The following C8orf34 variants were observed in gnomAD, a reference collection of about 807,000 sequenced individuals.
C8orf34 encodes uncharacterized protein C8orf34.
A neutral mutation model predicts 68.3 loss-of-function variants in C8orf34; 65 were observed. The observed-to-expected ratio is 0.95, with a 90% CI of 0.78 to 1.17. The LOEUF (loss-of-function observed/expected upper bound fraction) is 1.17, where lower values mean the gene tolerates loss of function less well. C8orf34 is among the 50% of genes most tolerant of loss of function. The probability of loss-of-function intolerance (pLI) is 0.00; values close to 1 mark genes in which losing one functional copy is unlikely to be tolerated. For synonymous variants in C8orf34, 244 were observed against 241.2 expected (o/e 1.01, Z -0.11); for missense variants, 664 against 655.4 (o/e 1.01, Z -0.14).
chr8:68,440,728 A>T (rs1810865302), intron 2 of C8orf34, among the ~76,000 whole-genome samples: 2 of 152,112 alleles, frequency 1.3e-5, no homozygotes, highest in African/African-American at 2.4e-5. Flanking sequence ...TCAGTTGAGC[A>T]TCTGTGAATT....
chr8:68,431,524 A>G lies in C8orf34; in HGVS notation c.328-7975A>G, dbSNP rs552462696. On this transcript the variant is annotated intron_variant, in intron 1 of 13. Coordinates refer to ENST00000518698, the MANE Select transcript of C8orf34 (RefSeq NM_052958.4). ...ACTAAATCAGTTGCTTCCATAGACT[A>G]TTAGTTGAGGAGTGTAATCCTTAAC... Among the ~76,000 whole-genome samples the G allele has an allele frequency of 3.3e-5, 5 of 152,306 alleles. No homozygotes were observed. The East Asian group carries it at 9.7e-4, about 29-fold the overall frequency.
chr8:68,441,168 G>C (rs1408689432), intron 2 of C8orf34, among the ~76,000 whole-genome samples: 1 of 152,096 alleles, frequency 6.6e-6, no homozygotes, highest in Non-Finnish European at 1.5e-5. Flanking sequence ...GTCTGTGCAC[G>C]GTTTAGCTGA....
At chr8:68,501,929 T>G (rs1173194413) in intron 5 of C8orf34, among the ~76,000 whole-genome samples, 1 of 152,218 alleles carries the variant, frequency 6.6e-6, no homozygotes, top group Non-Finnish European at 1.5e-5. Context: ...TCATGTTGCT[T>G]TCTTCAATAA....
chr8:68,409,439 T>C (rs1809350290), intron 1 of C8orf34, among the ~76,000 whole-genome samples: 1 of 152,170 alleles, frequency 6.6e-6, no homozygotes, highest in African/African-American at 2.4e-5. Flanking sequence ...GCCTTAGTTT[T>C]TTAACAAAAT....
intron 7 of C8orf34, among the ~76,000 whole-genome samples, chr8:68,571,004 T>C (rs1816744786): frequency 2.0e-5 from 3 of 152,162 alleles, no homozygotes; most frequent in Admixed American, 1.3e-4. Context: ...TGTTCCTCTC[T>C]TATCATGAAG....
At chr8:68,788,470 C>A (rs991283858) in intron 12 of C8orf34, among the ~76,000 whole-genome samples, 7 of 152,092 alleles carry the variant, frequency 4.6e-5, no homozygotes, top group Non-Finnish European at 8.8e-5. Context: ...GGATGGAGGC[C>A]AAGGTTCACT....
intron 8 of C8orf34, among the ~76,000 whole-genome samples, chr8:68,706,953 G>T (rs932323564): frequency 1.3e-5 from 2 of 152,166 alleles, no homozygotes; most frequent in Non-Finnish European, 2.9e-5. Context: ...AGGAGGAGCA[G>T]CCAACATTCT....
intron 8 of C8orf34, among the ~76,000 whole-genome samples, chr8:68,685,549 G>A (rs1449917096): frequency 2.0e-5 from 3 of 152,080 alleles, no homozygotes; most frequent in Non-Finnish European, 4.4e-5. Flanking sequence ...TTTGGAAATT[G>A]CTTTAAAAAG....
At chr8:68,529,868 A>G (rs1354373796) in intron 6 of C8orf34, among the ~76,000 whole-genome samples, 1 of 152,090 alleles carries the variant, frequency 6.6e-6, no homozygotes, top group African/African-American at 2.4e-5. Context: ...TGCATAAAAT[A>G]TTTAATATCT....
chr8:68,766,174 C>G (rs1161083672), intron 10 of C8orf34, among the ~76,000 whole-genome samples: 2 of 152,058 alleles, frequency 1.3e-5, no homozygotes, highest in Non-Finnish European at 2.9e-5. Context: ...AAATATGAGC[C>G]AAAAACATGA....
At chr8:68,360,627 A>G (rs575378160) in intron 1 of C8orf34, among the ~76,000 whole-genome samples, 1 of 151,990 alleles carries the variant, frequency 6.6e-6, no homozygotes, top group East Asian at 1.9e-4. Context: ...TTAACTATAC[A>G]TTGTCCTCAC....
intron 12 of C8orf34, among the ~76,000 whole-genome samples, chr8:68,814,015 C>T (rs1443027035): frequency 1.3e-5 from 2 of 152,260 alleles, no homozygotes; most frequent in East Asian, 3.9e-4. Flanking sequence ...AACCTCCTTC[C>T]CTTACAATTC....
At chr8:68,470,682 A>G (rs1463660190) in intron 4 of C8orf34, among the ~76,000 whole-genome samples, 1 of 152,088 alleles carries the variant, frequency 6.6e-6, no homozygotes, top group Non-Finnish European at 1.5e-5. Flanking sequence ...CCAGGTGCTG[A>G]CACCTTTGGT....
chr8:68,332,994 A>G (rs1805696167), intron 1 of C8orf34, among the ~76,000 whole-genome samples: 1 of 152,204 alleles, frequency 6.6e-6, no homozygotes, highest in Admixed American at 6.5e-5. Context: ...AGAATCATAA[A>G]ATACATACAT....
At chr8:68,483,782 T>C (rs888927711) in intron 4 of C8orf34, among the ~76,000 whole-genome samples, 11 of 152,194 alleles carry the variant, frequency 7.2e-5, no homozygotes, top group African/African-American at 2.7e-4. Context: ...TGCTCCACAG[T>C]GAATCAGAAA....
intron 1 of C8orf34, among the ~76,000 whole-genome samples, chr8:68,380,245 T>A (rs1321450073): frequency 6.6e-6 from 1 of 152,202 alleles, no homozygotes; most frequent in Non-Finnish European, 1.5e-5. Context: ...TATGGCTGAA[T>A]ATGCCTTTAA....
intron 12 of C8orf34, among the ~76,000 whole-genome samples, chr8:68,798,312 C>A (rs146496277): frequency 0.064 from 6,192 of 96,220 alleles, 163 homozygotes; most frequent in Non-Finnish European, 0.082. Flanking sequence ...TTTTTTTAAA[C>A]AGAGTCTCAT....
intron 1 of C8orf34, among the ~76,000 whole-genome samples, chr8:68,413,031 G>T (rs1809509906): frequency 6.6e-6 from 1 of 152,076 alleles, no homozygotes; most frequent in African/African-American, 2.4e-5. Flanking sequence ...ACACATTTCT[G>T]CCTTTTTCAT....
intron 7 of C8orf34, among the ~76,000 whole-genome samples, chr8:68,588,645 C>T (rs1416827987): frequency 1.3e-5 from 2 of 152,090 alleles, no homozygotes; most frequent in Non-Finnish European, 2.9e-5. Flanking sequence ...TGACAAAAGT[C>T]CAATGTGTGG....
Sources: allele counts gnomAD v4.1 joint callset (sites outside exome capture counted in the v4.1 genomes callset), GRCh38; gene constraint gnomAD v4.1.1; transcripts MANE v1.5; gene names NCBI Gene and HGNC (gene_info 2026-07-23, HGNC 2026-07-21).